The following KIF5C variants were observed in gnomAD, a reference collection of about 807,000 sequenced individuals.
KIF5C encodes kinesin family member 5C.
In KIF5C, 18 loss-of-function variants were observed where a neutral mutation model predicts 125.2. The observed-to-expected ratio is 0.14, with a 90% confidence interval of 0.10 to 0.21. The LOEUF is 0.21. Ranked by LOEUF, KIF5C falls within the 10% of genes least tolerant of loss-of-function variation. The probability of loss-of-function intolerance (pLI) is 1.00; values close to 1 mark genes in which losing one functional copy is unlikely to be tolerated. For synonymous variants in KIF5C, 405 were observed against 434.0 expected (o/e 0.93, Z 0.83); for missense variants, 780 against 1,183.8 (o/e 0.66, Z 5.01).
chr2:149,008,289 G>A (rs778917323), intron 23 of KIF5C, among the ~76,000 whole-genome samples: 3 of 152,138 alleles, frequency 2.0e-5, no homozygotes, highest in African/African-American at 4.8e-5. Flanking sequence ...CAAATATAAC[G>A]CATAGGGTTT....
intron 1 of KIF5C, among the ~76,000 whole-genome samples, chr2:148,911,073 T>G (rs1681315479): frequency 6.6e-6 from 1 of 152,132 alleles, no homozygotes; most frequent in Non-Finnish European, 1.5e-5. Flanking sequence ...AATTGGAGGT[T>G]TTAATTAGAT....
At chr2:148,881,843 C>T (rs1681368517) in intron 1 of KIF5C, among the ~76,000 whole-genome samples, 2 of 151,834 alleles carry the variant, frequency 1.3e-5, no homozygotes, top group African/African-American at 2.4e-5. Flanking sequence ...GATGTGAGCC[C>T]GTCTAAACAG....
intron 10 of KIF5C, among the ~76,000 whole-genome samples, chr2:148,951,988 T>C (rs1482532724): frequency 1.3e-5 from 2 of 152,150 alleles, no homozygotes; most frequent in African/African-American, 4.8e-5. Flanking sequence ...AATAATTATA[T>C]TGAAATGTTG....
chr2:149,005,607 A>G, intron 22 of KIF5C, 143 bp downstream of exon 22: 1 of 1,315,086 alleles, frequency 7.6e-7, no homozygotes. Context: ...ATGTTATTAA[A>G]AGAATGTGCT....
rs143451313 is a variant in KIF5C, at chr2:148,934,864, T to G, written c.292-2420T>G. Among the ~76,000 whole-genome samples, 1,226 of 150,522 alleles carry G rather than the reference T, an allele frequency of 8.1e-3. 7 individuals are homozygous for G. Among genetic ancestry groups the G allele is most frequent in the Non-Finnish European group, 0.015 (996 of 67,586 alleles). Reference sequence around the variant, plus strand: ...CACACACAGACATATACTACACACATCACACATCCATATGCTCCCCTAACA... The same window carrying G: ...CACACACAGACATATACTACACACAGCACACATCCATATGCTCCCCTAACA... On this transcript the variant is annotated intron_variant, in intron 3 of 25. Transcript: ENST00000435030.
At chr2:149,008,438 C>T (rs1173450320) in intron 23 of KIF5C, among the ~76,000 whole-genome samples, 2 of 152,144 alleles carry the variant, frequency 1.3e-5, no homozygotes, top group Admixed American at 6.5e-5. Flanking sequence ...AAAGTGGACA[C>T]CACTGAGCTG....
intron 1 of KIF5C, among the ~76,000 whole-genome samples, chr2:148,911,145 A>T (rs968561021): frequency 2.0e-5 from 3 of 152,216 alleles, no homozygotes; most frequent in African/African-American, 7.2e-5. Context: ...TTCTGCCTAC[A>T]GCATGTGGCT....
At position 148,924,115 on chromosome 2, in the gene KIF5C, T is replaced by TATCC. The variant is rs1204166982; in HGVS notation, c.217+1890_217+1893dup. Among the ~76,000 whole-genome samples the TATCC allele has an allele frequency of 6.6e-6, 1 of 152,216 alleles. No homozygotes were observed. Among genetic ancestry groups the TATCC allele is most frequent in the Non-Finnish European group, 1.5e-5 (1 of 68,042 alleles). Reference sequence around the variant, plus strand: ...TGAAGGTCTGATTGGATTTCACAAATATCCACTGAGGCTAGTGTGAGAAGT... The same window carrying TATCC: ...TGAAGGTCTGATTGGATTTCACAAATATCCATCCACTGAGGCTAGTGTGAGAAGT... On this transcript the variant is annotated intron_variant, in intron 2 of 25. Transcript: ENST00000435030. This position sits in a 1 kb window ranked among gnomAD's most constrained non-coding sequence, Gnocchi z 4.0.
At chr2:148,925,961 A>C (rs1025721376) in intron 2 of KIF5C, among the ~76,000 whole-genome samples, 10 of 152,128 alleles carry the variant, frequency 6.6e-5, no homozygotes, top group Admixed American at 2.0e-4. Context: ...GGACCGCCTC[A>C]TCATCCTCTG....
chr2:148,900,528 C>T (rs1680853322), intron 1 of KIF5C, among the ~76,000 whole-genome samples: 1 of 152,184 alleles, frequency 6.6e-6, no homozygotes, highest in Admixed American at 6.5e-5. Context: ...GGGAATGGCT[C>T]TTTCTCATCC....
At chr2:148,927,001 G>GA (rs1186667279) in intron 2 of KIF5C, among the ~76,000 whole-genome samples, 1 of 151,738 alleles carries the variant, frequency 6.6e-6, no homozygotes, top group African/African-American at 2.4e-5. Flanking sequence ...AAAAGAAGGA[G>GA]AAAAAAAATA....
At chr2:148,910,115 T>C (rs1259181150) in intron 1 of KIF5C, among the ~76,000 whole-genome samples, 2 of 152,202 alleles carry the variant, frequency 1.3e-5, no homozygotes, top group African/African-American at 4.8e-5. Flanking sequence ...TGTAAGCACT[T>C]TTAATACTTA....
At chr2:148,985,985 T>C (rs1166712763) in intron 15 of KIF5C, among the ~76,000 whole-genome samples, 1 of 152,238 alleles carries the variant, frequency 6.6e-6, no homozygotes, top group African/African-American at 2.4e-5. Context: ...TTGGTGATTT[T>C]ATATTTGAAG....
chr2:149,025,611 T>G lies in KIF5C; in HGVS notation c.*2541T>G, dbSNP rs977989151. 1.3e-5 allele frequency: 2 copies of G among 152,250 alleles called. No homozygotes were observed. The highest frequency in any genetic ancestry group is 2.9e-5 in the Non-Finnish European group (2 of 68,050). The allele number at this position is 152,250 out of a possible 1,614,324, so 9.4% of individuals were successfully genotyped here. Reference sequence around the variant, plus strand: ...TTTGACTAGCATGTATTGTGTCTTTTTCTCCTCTATGAATAATTTTATATT... The same window carrying G: ...TTTGACTAGCATGTATTGTGTCTTTGTCTCCTCTATGAATAATTTTATATT... On this transcript the variant is annotated 3_prime_UTR_variant, in exon 26 of 26. Coordinates refer to ENST00000435030, the MANE Select transcript of KIF5C (RefSeq NM_004522.3).
At chr2:148,950,238 C>A (rs1160723159) in intron 9 of KIF5C, 76 bp from the exon 10 acceptor site, 7 of 1,556,192 alleles carry the variant, frequency 4.5e-6, no homozygotes, top group Non-Finnish European at 6.1e-6. Flanking sequence ...TCAGTGTCTT[C>A]ATCCCTGACT....
At chr2:148,933,930 A>G (rs1464480534) in intron 3 of KIF5C, among the ~76,000 whole-genome samples, 1 of 149,316 alleles carries the variant, frequency 6.7e-6, no homozygotes, top group South Asian at 2.1e-4. Flanking sequence ...CACACACACA[A>G]ACATGTACAC....
Position 148,983,769 on chromosome 2 carries a change from A to T in KIF5C, c.1716+3A>T. 6.3e-7 allele frequency: 1 copy of T among 1,596,822 alleles called. No homozygotes were observed. Among genetic ancestry groups the T allele is most frequent in the Non-Finnish European group, 8.5e-7 (1 of 1,170,268 alleles). ...TTGGCACCAATGATGTGAAAACTGT[A>T]AGCCAGCCCTTCTTTTATCCTCTCT... On this transcript the variant is annotated splice_donor_region_variant and intron_variant, in intron 15 of 25. Coordinates refer to ENST00000435030, the MANE Select transcript of KIF5C (RefSeq NM_004522.3).
intron 25 of KIF5C, among the ~76,000 whole-genome samples, chr2:149,012,751 C>G (rs919536005): frequency 6.6e-6 from 1 of 152,256 alleles, no homozygotes; most frequent in African/African-American, 2.4e-5. Flanking sequence ...AGCCCGCGGG[C>G]GGGCAGTGTG....
In KIF5C at chr2:148,997,360, C is replaced by T. The variant is rs1456571015; in HGVS notation, c.2100+20C>T. The T allele has an allele frequency of 1.9e-6, 3 of 1,613,754 alleles. No individual in the cohort carries two copies. The African/African-American group carries it at 4.0e-5, about 22-fold the overall frequency. On this transcript the variant is annotated intron_variant, in intron 18 of 25. Coordinates refer to ENST00000435030, the MANE Select transcript of KIF5C (RefSeq NM_004522.3). The stretch of plus-strand genomic sequence containing the variant: ...ATGAAGGTGTGTGTGGCTGCCCCTT[C>T]CATCAAGCCCAGTGTGCATTTGATG...
Sources: gnomAD v4.1 joint callset for allele counts (sites outside exome capture counted in the v4.1 genomes callset) on GRCh38, gnomAD v4.1.1 for gene constraint, Gnocchi (gnomAD v3.1) non-coding constraint, MANE v1.5 for transcripts, NCBI Gene and HGNC (gene_info 2026-07-23, HGNC 2026-07-21) for gene names.